Variants in VPS13D observed in about 807,000 individuals in gnomAD.
VPS13D encodes the protein vacuolar protein sorting 13 homolog D, also known as intermembrane lipid transfer protein VPS13D.
In VPS13D, 187 loss-of-function variants were observed where a neutral mutation model predicts 461.9. The ratio of observed to expected loss-of-function variants is 0.40; its 90% CI spans 0.36 to 0.46. VPS13D has a LOEUF of 0.46. Ranked by LOEUF, VPS13D falls within the 20% of genes least tolerant of loss-of-function variation. The probability of loss-of-function intolerance (pLI) is 0.60; values close to 1 mark genes in which losing one functional copy is unlikely to be tolerated. For missense variants in VPS13D, 4,711 were observed against 5,364.9 expected (o/e 0.88, Z 3.81); for synonymous variants, 1,951 against 1,986.3 (o/e 0.98, Z 0.47).
Position 12,368,347 on chromosome 1 carries a change from A to AAGG in VPS13D, c.10449-119_10449-118insGAG, listed in dbSNP as rs1373782225. On this transcript the variant is annotated intron_variant, in intron 52 of 69. Coordinates refer to ENST00000620676, the MANE Select transcript of VPS13D (RefSeq NM_015378.4). Reference sequence around the variant, plus strand: ...GATGGAGGAACACACAGTGGGCTGTAAGTTCAGTGGTATTGACTGAGGCCC... The same window carrying AAGG: ...GATGGAGGAACACACAGTGGGCTGTAAGGAGTTCAGTGGTATTGACTGAGGCCC... The AAGG allele has an allele frequency of 4.2e-5, 49 of 1,164,146 alleles. No homozygotes were observed. The African/African-American group carries it at 6.4e-4, about 15-fold the overall frequency. 72.1% of individuals were successfully genotyped at this position (1,164,146 alleles called of 1,614,324 possible).
At chr1:12,235,877 A>G (rs1487712743) in intron 2 of VPS13D, among the ~76,000 whole-genome samples, 1 of 152,234 alleles carries the variant, frequency 6.6e-6, no homozygotes, top group Non-Finnish European at 1.5e-5. Context: ...TGACGTATAG[A>G]TAACAGGGCC....
chr1:12,251,586 G>A (rs995193499), intron 6 of VPS13D, among the ~76,000 whole-genome samples: 1 of 152,166 alleles, frequency 6.6e-6, no homozygotes, highest in African/African-American at 2.4e-5. Flanking sequence ...GCGGCCAGCT[G>A]AGAGTAACCA....
At chr1:12,420,530 G>A (rs1644850048) in intron 65 of VPS13D, among the ~76,000 whole-genome samples, 1 of 152,178 alleles carries the variant, frequency 6.6e-6, no homozygotes, top group Non-Finnish European at 1.5e-5. Context: ...TGAGTGTAGT[G>A]GAGAAGTTCA....
chr1:12,276,047 C>T lies in VPS13D; in HGVS notation c.2459C>T (p.Ser820Leu), dbSNP rs1263614230. 6 of 1,614,068 alleles carry T rather than the reference C, an allele frequency of 3.7e-6. No individual in the cohort carries two copies. The part of the protein sequence containing the change: ...STKMYERYSL[S>L]FMDLQIMVGR... ...AAGATGTATGAGAGGTACTCGCTGT[C>T]ATTTATGGACCTCCAGATCATGGTT... The change falls in exon 19 of 70, where the codon TCA becomes TTA. Residue 820 changes from serine to leucine, a missense_variant. By Grantham distance (145) the Ser-to-Leu change is moderately radical. Around this residue, in one of 3 missense-constraint regions of VPS13D, gnomAD observed 4,411 missense variants for 4,937.8 expected, o/e 0.89. Transcript: ENST00000620676. The surrounding 1 kb of genome is among the most constrained non-coding windows in gnomAD (Gnocchi z 4.5).
Position 12,275,939 on chromosome 1 carries a change from G to A in VPS13D, c.2351G>A (p.Ser784Asn), listed in dbSNP as rs1196412495. 3 of 1,613,974 alleles carry A rather than the reference G, an allele frequency of 1.9e-6. No homozygotes were observed. Among genetic ancestry groups the A allele is most frequent in the South Asian group, 2.2e-5 (2 of 91,066 alleles). The change falls in exon 19 of 70, where the codon AGC becomes AAC. Residue 784 changes from serine (S) to asparagine (N), a missense_variant. This residue lies in a region of VPS13D where 4,411 missense variants were observed against 4,937.8 expected (regional missense o/e 0.89). Coordinates refer to ENST00000620676, the MANE Select transcript of VPS13D (RefSeq NM_015378.4). ...CCTAACACCCCACCTCCCGAGTCAAGCAGCAGCAACGGAGAGAAAACACCT... is the reference window on the plus strand; with the variant it reads ...CCTAACACCCCACCTCCCGAGTCAAACAGCAGCAACGGAGAGAAAACACCT... Reference protein sequence around the residue: ...TPPNTPPPESSSSNGEKTPPF... With the variant: ...TPPNTPPPESNSSNGEKTPPF...
intron 58 of VPS13D, among the ~76,000 whole-genome samples, chr1:12,384,964 A>G (rs1215610533): frequency 6.6e-6 from 1 of 152,182 alleles, no homozygotes; most frequent in African/African-American, 2.4e-5. Context: ...AAATGAATGC[A>G]GTGATCTTGA....
intron 30 of VPS13D, among the ~76,000 whole-genome samples, chr1:12,315,012 G>A (rs1642852484): frequency 6.6e-6 from 1 of 152,174 alleles, no homozygotes; most frequent in African/African-American, 2.4e-5. Flanking sequence ...ATATTGCTTG[G>A]CACAGTTGGC....
chr1:12,270,454 AAAG>A (rs150564089), intron 16 of VPS13D, among the ~76,000 whole-genome samples: 4,591 of 152,228 alleles, frequency 0.03, 186 homozygotes, highest in East Asian at 0.13. Flanking sequence ...TTGTCTTAAA[AAAG>A]AAGAAGAAGA....
chr1:12,490,048 G>GA (rs1283584850), intron 67 of VPS13D, among the ~76,000 whole-genome samples: 3 of 152,152 alleles, frequency 2.0e-5, no homozygotes, highest in Non-Finnish European at 2.9e-5. Flanking sequence ...CTCCTCCACT[G>GA]AATTGCTGTA....
At chr1:12,343,237 C>T (rs570722794) in intron 42 of VPS13D, among the ~76,000 whole-genome samples, 186 bp downstream of exon 42, 2 of 151,734 alleles carry the variant, frequency 1.3e-5, no homozygotes, top group South Asian at 2.1e-4. Flanking sequence ...TGCAGTGGCA[C>T]GATCTCAGCT....
intron 54 of VPS13D, 122 bp from the exon 55 acceptor site, chr1:12,373,628 A>G (rs1644156500): frequency 2.2e-6 from 1 of 457,412 alleles, no homozygotes; most frequent in African/African-American, 2.1e-5. Flanking sequence ...ATCCTTTAAA[A>G]AATTTTCTTT....
chr1:12,460,497 A>G, intron 67 of VPS13D, 101 bp downstream of exon 67: 1 of 1,114,894 alleles, frequency 9.0e-7, no homozygotes, highest in Non-Finnish European at 1.2e-6. Flanking sequence ...TCTTAGTTAT[A>G]GGGTTTTTAA....
At chr1:12,432,277 C>T (rs1645001557) in intron 65 of VPS13D, among the ~76,000 whole-genome samples, 1 of 151,874 alleles carries the variant, frequency 6.6e-6, no homozygotes, top group Non-Finnish European at 1.5e-5. Flanking sequence ...CCTGTAATTC[C>T]AGCTACTTGG....
chr1:12,230,334 C>A (rs1221869209), intron 1 of VPS13D, among the ~76,000 whole-genome samples: 1 of 152,134 alleles, frequency 6.6e-6, no homozygotes, highest in Non-Finnish European at 1.5e-5. Flanking sequence ...GGGCCCCAAG[C>A]CCGCCACCTC....
intron 63 of VPS13D, among the ~76,000 whole-genome samples, chr1:12,406,973 G>T (rs1298629431): frequency 2.6e-5 from 4 of 152,090 alleles, no homozygotes; most frequent in Non-Finnish European, 5.9e-5. Context: ...TTCGAACAAA[G>T]ACACTATTTA....
chr1:12,455,570 CA>C (rs199994484), intron 65 of VPS13D, among the ~76,000 whole-genome samples: 5,156 of 152,294 alleles, frequency 0.034, 174 homozygotes, highest in Admixed American at 0.11. Context: ...GAGAACCACT[CA>C]ACCTGGGGCA....
Position 12,258,081 on chromosome 1 carries a change from G to C in VPS13D, c.1088G>C (p.Gly363Ala). The part of the protein sequence containing the change: ...TDKYFNKLKG[G>A]LLSTDDKEEM... The stretch of plus-strand genomic sequence containing the variant: ...AAATATTTCAACAAGTTAAAAGGAG[G>C]CCTGCTGTCCACAGATGACAAGGTA... The change falls in exon 10 of 70, where the codon GGC becomes GCC. Residue 363 changes from glycine to alanine, a missense_variant. By Grantham distance (60) the Gly-to-Ala change is moderately conservative (BLOSUM62 0). This residue lies in a region of VPS13D where 4,411 missense variants were observed against 4,937.8 expected (regional missense o/e 0.89). Transcript: ENST00000620676. The C allele has an allele frequency of 1.9e-6, 3 of 1,614,178 alleles. No homozygotes were observed. Among genetic ancestry groups the C allele is most frequent in the Non-Finnish European group, 2.5e-6 (3 of 1,180,034 alleles).
intron 54 of VPS13D, among the ~76,000 whole-genome samples, chr1:12,373,241 C>A (rs775054209): frequency 1.5e-4 from 23 of 151,336 alleles, no homozygotes; most frequent in Non-Finnish European, 2.4e-4. Flanking sequence ...ATACCTCTGC[C>A]TCGTGAGTAA....
intron 7 of VPS13D, 21 bp from the exon 8 acceptor site, chr1:12,256,312 A>C: frequency 6.2e-7 from 1 of 1,611,494 alleles, no homozygotes; most frequent in Non-Finnish European, 8.5e-7. Flanking sequence ...GGAGCAGAGC[A>C]GGTGTTCTTG....
Sources: allele counts gnomAD v4.1 joint callset (sites outside exome capture counted in the v4.1 genomes callset), GRCh38; gene constraint gnomAD v4.1.1; regional missense constraint gnomAD v4.1.1; non-coding constraint Gnocchi (gnomAD v3.1); transcripts MANE v1.5; gene names NCBI Gene and HGNC (gene_info 2026-07-23, HGNC 2026-07-21).